DECR2: variants seen among roughly 807,000 people sequenced by gnomAD.
DECR2 encodes 2,4-dienoyl-CoA reductase 2.
In DECR2, 34 loss-of-function variants were observed where a neutral mutation model predicts 29.2. The observed-to-expected ratio is 1.16, with a 90% CI of 0.89 to 1.55. DECR2 has a LOEUF of 1.55. Ranked by LOEUF, DECR2 falls within the 40% of genes most tolerant of loss-of-function variation. The pLI, the probability that DECR2 is intolerant of heterozygous loss-of-function variation, is 0.00. For synonymous variants in DECR2, 224 were observed against 182.7 expected (o/e 1.23, Z -1.82); for missense variants, 485 against 425.3 (o/e 1.14, Z -1.23).
At chr16:403,820 G>A (rs889546103) in intron 1 of DECR2, among the ~76,000 whole-genome samples, 6 of 152,198 alleles carry the variant, frequency 3.9e-5, no homozygotes, top group African/African-American at 1.4e-4. Context: ...CAAGGCGGCA[G>A]TGAGCCGTGA....
Position 406,396 on chromosome 16 carries a change from C to T in DECR2, c.200C>T (p.Thr67Met), listed in dbSNP as rs201202534. 68 of 1,607,588 alleles carry T rather than the reference C, an allele frequency of 4.2e-5. No individual in the cohort carries two copies. The highest frequency in any genetic ancestry group is 7.7e-5 in the South Asian group (7 of 91,052). The change falls in exon 3 of 9, where the codon ACG (threonine) becomes ATG (methionine). Residue 67 changes from threonine to methionine, a missense_variant and splice_region_variant. Coordinates refer to ENST00000219481, the MANE Select transcript of DECR2 (RefSeq NM_020664.4). ...IASRSLPRVL[T>M]AARKLAGATG... The stretch of plus-strand genomic sequence containing the variant: ...AGTAGGAGCCTGCCGCGAGTGCTGA[C>T]GGTGAGAGGGCCTCTCCCATGGTCC...
intron 3 of DECR2, 48 bp from the exon 4 acceptor site, chr16:407,377 C>T (rs1474918408): frequency 1.0e-5 from 16 of 1,555,860 alleles, no homozygotes; most frequent in Non-Finnish European, 1.4e-5. Context: ...GCCTTTTCTC[C>T]AGGCCGAGGC....
At position 402,054 on chromosome 16, in the gene DECR2, C is replaced by T; in HGVS notation, c.80+11C>T. The stretch of plus-strand genomic sequence containing the variant: ...CCCGGACCTGCTGCGGTGAGCGGGG[C>T]CTGGGAAGCGAGCGCAGCCTTGGTG... On this transcript the variant is annotated intron_variant, in intron 1 of 8. Coordinates refer to ENST00000219481, the MANE Select transcript of DECR2 (RefSeq NM_020664.4). 1.4e-6 allele frequency: 2 copies of T among 1,383,682 alleles called. No homozygotes were observed. The highest frequency in any genetic ancestry group is 1.9e-6 in the Non-Finnish European group (2 of 1,065,846). The allele number at this position is 1,383,682 out of a possible 1,614,324, so 85.7% of individuals were successfully genotyped here.
In DECR2 at chr16:410,939, C is replaced by T. The variant is rs113423539; in HGVS notation, c.557-33C>T. The stretch of plus-strand genomic sequence containing the variant: ...CCCTGCGCCCTCGCAGAGGGCAGAG[C>T]GGCCCTTTCATATCCAACTTTCTTC... On this transcript the variant is annotated intron_variant, in intron 6 of 8. Coordinates refer to ENST00000219481, the MANE Select transcript of DECR2 (RefSeq NM_020664.4). The surrounding 1 kb of genome is among the most constrained non-coding windows in gnomAD (Gnocchi z 4.1). 9.5e-4 allele frequency: 1,486 copies of T among 1,564,400 alleles called. 4 individuals carry two copies. The Middle Eastern group carries it at 0.014, about 15-fold the overall frequency.
chr16:410,427 G>A lies in DECR2; in HGVS notation c.462+60G>A, dbSNP rs1039250947. On this transcript the variant is annotated intron_variant, in intron 5 of 8. Transcript: ENST00000219481. The surrounding 1 kb of genome is among the most constrained non-coding windows in gnomAD (Gnocchi z 4.1). The stretch of plus-strand genomic sequence containing the variant: ...CGGGTGGGTGCCTCGTGCGCTCTGT[G>A]AGAAGTTCTTCCGGGTGGGTGCCTT... 5 of 1,584,916 alleles carry A rather than the reference G, an allele frequency of 3.2e-6. No individual in the cohort carries two copies. In the African/African-American group the frequency reaches 7.0e-5, roughly 22 times the overall value.
At chr16:402,255 A>C (rs1392604891) in intron 1 of DECR2, among the ~76,000 whole-genome samples, 1 of 151,482 alleles carries the variant, frequency 6.6e-6, no homozygotes, top group Non-Finnish European at 1.5e-5. Flanking sequence ...GCTCACTGCA[A>C]ACTCTGCCTC....
chr16:404,882 C>A, intron 1 of DECR2, 74 bp from the exon 2 acceptor site: 1 of 1,493,750 alleles, frequency 6.7e-7, no homozygotes, highest in Middle Eastern at 1.8e-4. Flanking sequence ...CCCACCTTGG[C>A]CTTCCAAAGT....
intron 4 of DECR2, chr16:409,980 C>T: frequency 3.8e-6 from 2 of 519,524 alleles, no homozygotes; most frequent in Admixed American, 3.2e-5. Context: ...ATCTCTGCAA[C>T]CCACCCCATT....
intron 7 of DECR2, 123 bp downstream of exon 7, chr16:411,199 A>G (rs2054814742): frequency 1.7e-6 from 2 of 1,203,736 alleles, no homozygotes; most frequent in African/African-American, 1.5e-5. Flanking sequence ...CCATGGTGGC[A>G]ACTATGTTCT....
At chr16:405,620 G>A (rs955638908) in intron 2 of DECR2, 24 of 1,302,952 alleles carry the variant, frequency 1.8e-5, no homozygotes, top group Admixed American at 2.3e-5. Flanking sequence ...CAGAAGAGCC[G>A]AGAAACCAAA....
At position 410,154 on chromosome 16, in the gene DECR2, T is replaced by C; in HGVS notation, c.338-89T>C. Reference sequence around the variant, plus strand: ...GCCACAGGGCACCTGGGCTCCCTCCTGCACCCTCCGCTCTGCCCACCTGGC... The same window carrying C: ...GCCACAGGGCACCTGGGCTCCCTCCCGCACCCTCCGCTCTGCCCACCTGGC... On this transcript the variant is annotated intron_variant, in intron 4 of 8. Transcript: ENST00000219481. The surrounding 1 kb of genome is among the most constrained non-coding windows in gnomAD (Gnocchi z 4.1). 6.5e-7 allele frequency: 1 copy of C among 1,536,056 alleles called. No individual in the cohort carries two copies. The highest frequency in any genetic ancestry group is 2.4e-5 in the East Asian group (1 of 41,108).
intron 1 of DECR2, 139 bp downstream of exon 1, chr16:402,182 T>C: frequency 4.4e-6 from 3 of 679,142 alleles, no homozygotes; most frequent in Non-Finnish European, 6.4e-6. Flanking sequence ...TTTCTTTCTT[T>C]TTTTTTTTTT....
intron 3 of DECR2, 128 bp from the exon 4 acceptor site, chr16:407,297 G>C: frequency 5.4e-6 from 8 of 1,471,900 alleles, no homozygotes; most frequent in Non-Finnish European, 6.3e-6. Flanking sequence ...TGCTTCCCCA[G>C]AGTGGGGTCC....
At chr16:409,272 T>C (rs1006217589) in intron 4 of DECR2, among the ~76,000 whole-genome samples, 22 of 152,106 alleles carry the variant, frequency 1.4e-4, no homozygotes, top group Admixed American at 4.6e-4. Flanking sequence ...CCCGGGTTCA[T>C]GCCATTCTCC....
rs2054800624 is a variant in DECR2 at position 410,495 on chromosome 16, C to CA, written c.462+128_462+129insA. 7 of 1,545,000 alleles carry CA rather than the reference C, an allele frequency of 4.5e-6. No homozygotes were observed. Among genetic ancestry groups the CA allele is most frequent in the Non-Finnish European group, 6.1e-6 (7 of 1,140,234 alleles). ...TTCTTCCGGGTGGGTGTACTCCCAG[C>CA]GGGGGCCTCCCCCTGACGGCCGCCC... On this transcript the variant is annotated intron_variant, in intron 5 of 8. Transcript: ENST00000219481. This position sits in a 1 kb window ranked among gnomAD's most constrained non-coding sequence, Gnocchi z 4.1.
In DECR2 at chr16:411,548, G is replaced by A. The variant is rs1337667257; in HGVS notation, c.849G>A (p.Pro283=). The change falls in exon 8 of 9, where the codon CCG becomes CCA. Residue 283 remains proline (P), a synonymous_variant. Coordinates refer to ENST00000219481, the MANE Select transcript of DECR2 (RefSeq NM_020664.4). The part of the protein sequence containing the change: ...LTFPNGVKGL[P]DFASFSAKL ...TCCCAAACGGTGTCAAAGGGCTGCC[G>A]GATTTCGCATCCTTCTCTGCTAAGC... 5.6e-6 allele frequency: 9 copies of A among 1,613,558 alleles called. No individual in the cohort carries two copies. Among genetic ancestry groups the A allele is most frequent in the South Asian group, 3.3e-5 (3 of 91,004 alleles).
At chr16:407,723 T>C (rs1668517551) in intron 4 of DECR2, 163 bp downstream of exon 4, 1 of 1,159,822 alleles carries the variant, frequency 8.6e-7, no homozygotes, top group Non-Finnish European at 1.2e-6. Context: ...AGACTCAGGC[T>C]CCGGCCCCCT....
rs1223686798 is a variant in DECR2, at chr16:411,997, A to T, written c.*108A>T. The T allele has an allele frequency of 5.8e-6, 1 of 172,048 alleles. No homozygotes were observed. The highest frequency in any genetic ancestry group is 1.2e-5 in the Non-Finnish European group (1 of 81,732). The allele number at this position is 172,048 out of a possible 1,614,324, so 10.7% of individuals were successfully genotyped here. ...CCCCTCCTCTGAACACTCAGCTATT[A>T]CTGCGCTTTCCCTCCCCACGGCCCC... On this transcript the variant is annotated 3_prime_UTR_variant, in exon 9 of 9. Transcript: ENST00000219481.
In DECR2 at chr16:401,986, T is replaced by G. The variant is rs566213843; in HGVS notation, c.23T>G (p.Val8Gly). The change falls in exon 1 of 9, where the codon GTG (valine) becomes GGG (glycine). Residue 8 changes from valine (V) to glycine (G), a missense_variant. Coordinates refer to ENST00000219481, the MANE Select transcript of DECR2 (RefSeq NM_020664.4). MAQPPPD[V>G]EGDDCLPAYR... Reference sequence around the variant, plus strand: ...GCCATGGCCCAGCCGCCGCCCGACGTGGAGGGGGACGACTGTCTCCCCGCG... The same window carrying G: ...GCCATGGCCCAGCCGCCGCCCGACGGGGAGGGGGACGACTGTCTCCCCGCG... The G allele has an allele frequency of 2.5e-5, 38 of 1,491,072 alleles. No homozygotes were observed. In the African/African-American group the frequency reaches 3.9e-4, roughly 15 times the overall value. 92.4% of individuals were successfully genotyped at this position (1,491,072 alleles called of 1,614,324 possible). A position where few individuals can be genotyped will look rare whatever the true frequency, so the allele number is the denominator to read the frequency against.
Sources: allele counts gnomAD v4.1 joint callset (sites outside exome capture counted in the v4.1 genomes callset), GRCh38; gene constraint gnomAD v4.1.1; non-coding constraint Gnocchi (gnomAD v3.1); transcripts MANE v1.5; gene names NCBI Gene and HGNC (gene_info 2026-07-23, HGNC 2026-07-21).